Variants in INSL6 observed in about 807,000 individuals in gnomAD.
The protein encoded by INSL6 is insulin like 6.
Under a neutral mutation model 9.4 loss-of-function variants are expected in INSL6, and 16 were observed. That is an observed-to-expected ratio of 1.70 (90% CI 1.15 to 2.59). The LOEUF is 2.59. Ranked by LOEUF, INSL6 falls within the 30% of genes most tolerant of loss-of-function variation. INSL6 has a pLI of 0.00. For missense variants in INSL6, 391 were observed against 257.3 expected, an observed-to-expected ratio of 1.52 and a Z score of -3.56; for synonymous variants, 154 against 96.9, an observed-to-expected ratio of 1.59 and a Z score of -3.46.
the INSL6 span, among the ~76,000 whole-genome samples, chr9:5,104,031 T>C: frequency 6.6e-6 from 1 of 152,038 alleles, no homozygotes; most frequent in African/African-American, 2.4e-5. Context: ...AGCAAACAAA[T>C]TCAAAAGCTA....
chr9:5,054,791 TGAG>T, the INSL6 span: 46 of 1,612,900 alleles, frequency 2.9e-5, no homozygotes, highest in Admixed American at 5.0e-5. This position sits in a 1 kb window ranked among gnomAD's most constrained non-coding sequence, Gnocchi z 4.9. Context: ...GTCCTTCAGG[TGAG>T]GAGATTTTTG....
chr9:5,021,037 C>T, the INSL6 span, among the ~76,000 whole-genome samples: 1 of 152,264 alleles, frequency 6.6e-6, no homozygotes. Context: ...TGAAAGTTGA[C>T]GGGCTCTCTT....
the INSL6 span, chr9:5,090,635 C>T: frequency 6.6e-7 from 1 of 1,523,920 alleles, no homozygotes; most frequent in Non-Finnish European, 8.8e-7. Flanking sequence ...ATTAGGAAAT[C>T]ATCTAGACGT....
chr9:5,007,801 C>A, the INSL6 span, among the ~76,000 whole-genome samples: 2 of 151,680 alleles, frequency 1.3e-5, no homozygotes, highest in African/African-American at 4.8e-5. Flanking sequence ...AGCCTTGGCT[C>A]ACTGCAATCT....
chr9:5,097,915 A>G, the INSL6 span: 1 of 152,154 alleles, frequency 6.6e-6, no homozygotes, highest in Middle Eastern at 3.2e-3. Context: ...TTATATTCAT[A>G]GGTGTTAATT....
At chr9:5,080,526 A>G in the INSL6 span, 1 of 1,577,436 alleles carries the variant, frequency 6.3e-7, no homozygotes, top group Non-Finnish European at 8.6e-7. Flanking sequence ...TGGTTCTTTA[A>G]TTATAGAAGC....
At chr9:5,158,122 G>A (rs996958223) in intron 2 of INSL6, among the ~76,000 whole-genome samples, 2 of 152,180 alleles carry the variant, frequency 1.3e-5, no homozygotes, top group Non-Finnish European at 1.5e-5. Context: ...TGAAACTGAA[G>A]ACAGGCTATT....
intron 2 of INSL6, among the ~76,000 whole-genome samples, chr9:5,150,926 C>T (rs1240363686): frequency 6.6e-6 from 1 of 151,748 alleles, no homozygotes; most frequent in African/African-American, 2.4e-5. Context: ...ATGTATTTTG[C>T]AGCAACATGG....
intron 2 of INSL6, among the ~76,000 whole-genome samples, chr9:5,135,102 G>A (rs1321026633): frequency 6.6e-6 from 1 of 152,080 alleles, no homozygotes; most frequent in African/African-American, 2.4e-5. Context: ...ATTATATAAT[G>A]GTAAAGGGAA....
At chr9:5,003,871 TA>T in the INSL6 span, among the ~76,000 whole-genome samples, 1 of 152,210 alleles carries the variant, frequency 6.6e-6, no homozygotes, top group Admixed American at 6.5e-5. Context: ...AGTTTGCTTT[TA>T]TTCCTAGTTT....
chr9:5,062,418 G>A, the INSL6 span, among the ~76,000 whole-genome samples: 2 of 142,242 alleles, frequency 1.4e-5, no homozygotes, highest in South Asian at 4.5e-4. Flanking sequence ...TGACACATAG[G>A]AAGTAAGCAT....
the INSL6 span, among the ~76,000 whole-genome samples, chr9:5,063,712 T>C: frequency 6.6e-6 from 1 of 152,244 alleles, no homozygotes; most frequent in Admixed American, 6.5e-5. Flanking sequence ...GAAGTTTTTG[T>C]TAATTATTGA....
At chr9:5,111,952 G>A in the INSL6 span, 1 of 347,156 alleles carries the variant, frequency 2.9e-6, no homozygotes, top group Non-Finnish European at 5.7e-6. Flanking sequence ...AATAACTTGT[G>A]GTCCAGCCCC....
chr9:5,012,665 G>C, the INSL6 span, among the ~76,000 whole-genome samples: 1 of 152,124 alleles, frequency 6.6e-6, no homozygotes, highest in African/African-American at 2.4e-5. Context: ...AGTAAGATTT[G>C]TATCTCAGGA....
At chr9:5,133,912 A>T (rs1307100579) in intron 2 of INSL6, among the ~76,000 whole-genome samples, 1 of 152,172 alleles carries the variant, frequency 6.6e-6, no homozygotes, top group Non-Finnish European at 1.5e-5. Flanking sequence ...CTAAAGGAAC[A>T]TGTTCTAACC....
the INSL6 span, among the ~76,000 whole-genome samples, chr9:5,067,091 T>C: frequency 1.3e-5 from 2 of 152,178 alleles, no homozygotes; most frequent in African/African-American, 2.4e-5. Context: ...TTGATGTTTC[T>C]TTGTTTGCAA....
Position 5,179,853 on chromosome 9 carries a change from T to A in INSL6, c.289+5461A>T, listed in dbSNP as rs959261846. On this transcript the variant is annotated intron_variant, in intron 1 of 1. Coordinates refer to ENST00000381641, the MANE Select transcript of INSL6 (RefSeq NM_007179.3). ...ACTGGGGCCTGCCTGACAGGGGCCC[T>A]GGGGGAAGGGAAAGTATCAGGAGGA... 1.5e-4 allele frequency among the ~76,000 whole-genome samples: 23 copies of A among 152,166 alleles called. 2 individuals carry two copies. Among genetic ancestry groups the A allele is most frequent in the African/African-American group, 5.3e-4 (22 of 41,524 alleles).
Position 5,127,840 on chromosome 9 carries a change from T to A in INSL6, c.*11-3329A>T, listed in dbSNP as rs560610173. 6 of 232,482 alleles carry A rather than the reference T, an allele frequency of 2.6e-5. No homozygotes were observed. In the Admixed American group the frequency reaches 3.4e-4, roughly 13 times the overall value. The allele number at this position is 232,482 out of a possible 1,614,324, so 14.4% of individuals were successfully genotyped here. A position where few individuals can be genotyped will look rare whatever the true frequency, so the allele number is the denominator to read the frequency against. On this transcript the variant is annotated intron_variant, in intron 3 of 3. Coordinates refer to the INSL6 transcript ENST00000649639. ...ATTTGAGGGGTTTCAGAATTTTGCA[T>A]TGCAGTCATAGAAGAGATTTATTTC... is the stretch of plus-strand genomic sequence containing the variant.
At chr9:4,998,511 TC>T in the INSL6 span, among the ~76,000 whole-genome samples, 1 of 152,162 alleles carries the variant, frequency 6.6e-6, no homozygotes, top group African/African-American at 2.4e-5. Flanking sequence ...CGCCTTGGCC[TC>T]CCAAAGTGCT....
Sources: allele counts gnomAD v4.1 joint callset (sites outside exome capture counted in the v4.1 genomes callset), GRCh38; gene constraint gnomAD v4.1.1; non-coding constraint Gnocchi (gnomAD v3.1); transcripts MANE v1.5; gene names NCBI Gene and HGNC (gene_info 2026-07-23, HGNC 2026-07-21).